The following GNAQ variants were observed in gnomAD, a reference collection of about 807,000 sequenced individuals.
GNAQ encodes the protein guanine nucleotide-binding protein G(q) subunit alpha.
Under a neutral mutation model 43.9 loss-of-function variants are expected in GNAQ, and 8 were observed. The observed-to-expected ratio is 0.18, with a 90% CI of 0.11 to 0.33. GNAQ has a LOEUF of 0.33. Ranked by LOEUF, GNAQ falls within the 10% of genes least tolerant of loss-of-function variation. The pLI, the probability that GNAQ is intolerant of heterozygous loss-of-function variation, is 1.00. For missense variants in GNAQ, 158 were observed against 450.8 expected, an observed-to-expected ratio of 0.35 and a Z score of 5.88; for synonymous variants, 155 against 170.7, an observed-to-expected ratio of 0.91 and a Z score of 0.71.
At chr9:77,733,943 G>C (rs1409928550) in intron 5 of GNAQ, among the ~76,000 whole-genome samples, 1 of 152,358 alleles carries the variant, frequency 6.6e-6, no homozygotes, top group East Asian at 1.9e-4. Flanking sequence ...TGATTAAGGA[G>C]AAGGCTGGAT....
chr9:77,853,582 G>A (rs2117938234), intron 2 of GNAQ, among the ~76,000 whole-genome samples: 1 of 152,048 alleles, frequency 6.6e-6, no homozygotes, highest in Admixed American at 6.5e-5. Context: ...TATATCAGTA[G>A]AGGCTCAGTG....
intron 2 of GNAQ, among the ~76,000 whole-genome samples, chr9:77,832,130 C>T (rs1482917980): frequency 2.0e-5 from 3 of 150,120 alleles, no homozygotes; most frequent in Non-Finnish European, 4.4e-5. Context: ...TTAATGTTCT[C>T]CATACTGTAC....
intron 1 of GNAQ, among the ~76,000 whole-genome samples, chr9:77,923,398 C>T (rs566339664): frequency 2.6e-5 from 4 of 152,074 alleles, no homozygotes; most frequent in South Asian, 2.1e-4. Context: ...ATTACTTTTC[C>T]GTTACCATAA....
chr9:77,722,237 A>G (rs1465029132), intron 6 of GNAQ, among the ~76,000 whole-genome samples: 4 of 151,982 alleles, frequency 2.6e-5, no homozygotes, highest in Admixed American at 1.3e-4. Context: ...CCCAGGTTCA[A>G]GCGATTCTCT....
At chr9:77,938,190 T>C (rs1203701677) in intron 1 of GNAQ, among the ~76,000 whole-genome samples, 1 of 152,212 alleles carries the variant, frequency 6.6e-6, no homozygotes, top group African/African-American at 2.4e-5. Flanking sequence ...TTATACTGTA[T>C]TGTTATTTAG....
chr9:77,854,882 G>A (rs189869354), intron 2 of GNAQ, among the ~76,000 whole-genome samples: 2 of 152,262 alleles, frequency 1.3e-5, no homozygotes, highest in East Asian at 3.9e-4. Flanking sequence ...TCAGGGTTTC[G>A]TGTGGAATGG....
chr9:77,812,840 A>C (rs573969953), intron 3 of GNAQ, among the ~76,000 whole-genome samples: 6 of 152,052 alleles, frequency 3.9e-5, no homozygotes, highest in African/African-American at 1.4e-4. Context: ...AAATGTGATT[A>C]AAAAAGATTT....
intron 2 of GNAQ, among the ~76,000 whole-genome samples, chr9:77,890,000 T>C (rs1214890328): frequency 6.6e-6 from 1 of 152,232 alleles, no homozygotes; most frequent in Non-Finnish European, 1.5e-5. Context: ...AACTACAAGT[T>C]AGTTACTCCT....
intron 1 of GNAQ, among the ~76,000 whole-genome samples, chr9:77,959,258 A>G (rs1823078673): frequency 6.6e-6 from 1 of 152,166 alleles, no homozygotes; most frequent in South Asian, 2.1e-4. Context: ...CTTCATTTAC[A>G]TATCCCAACT....
chr9:77,968,743 A>C (rs1027235344), intron 1 of GNAQ, among the ~76,000 whole-genome samples: 1 of 152,270 alleles, frequency 6.6e-6, no homozygotes, highest in African/African-American at 2.4e-5. Context: ...AAGGCAAGAC[A>C]GTGCCGTTTG....
intron 3 of GNAQ, among the ~76,000 whole-genome samples, chr9:77,814,834 C>T (rs1826986676): frequency 6.6e-6 from 1 of 152,200 alleles, no homozygotes; most frequent in Admixed American, 6.5e-5. Flanking sequence ...CTAATGTACA[C>T]AGAAACCTGG....
intron 1 of GNAQ, among the ~76,000 whole-genome samples, chr9:77,983,228 T>G (rs1172606538): frequency 6.6e-6 from 1 of 152,208 alleles, no homozygotes; most frequent in Non-Finnish European, 1.5e-5. Flanking sequence ...GTGATAACAT[T>G]TACATAGTAT....
chr9:77,871,261 T>A (rs997732792), intron 2 of GNAQ, among the ~76,000 whole-genome samples: 1 of 152,190 alleles, frequency 6.6e-6, no homozygotes, highest in Non-Finnish European at 1.5e-5. Flanking sequence ...TTTCTTAAGG[T>A]ATAGTCCTCT....
chr9:77,999,214 C>T (rs1823614624), intron 1 of GNAQ, among the ~76,000 whole-genome samples: 1 of 150,718 alleles, frequency 6.6e-6, no homozygotes, highest in South Asian at 2.1e-4. Context: ...TTCTAAAATG[C>T]AAACAGAATC....
At chr9:77,751,494 G>A (rs1186757580) in intron 5 of GNAQ, among the ~76,000 whole-genome samples, 1 of 152,168 alleles carries the variant, frequency 6.6e-6, no homozygotes, top group Non-Finnish European at 1.5e-5. Flanking sequence ...ATAGTTGAGT[G>A]TACTTCAGAA....
intron 5 of GNAQ, among the ~76,000 whole-genome samples, chr9:77,756,964 C>T (rs1825913453): frequency 6.6e-6 from 1 of 152,178 alleles, no homozygotes; most frequent in African/African-American, 2.4e-5. Context: ...CTTCTCAAAG[C>T]CTGCTCCATA....
chr9:78,031,015 G>T, intron 1 of GNAQ, 85 bp downstream of exon 1: 2 of 1,025,736 alleles, frequency 1.9e-6, no homozygotes, highest in Non-Finnish European at 2.5e-6. Flanking sequence ...CCGGGGGGCG[G>T]GGGCGCCGAA....
intron 1 of GNAQ, among the ~76,000 whole-genome samples, chr9:77,954,183 T>A (rs895968730): frequency 2.0e-5 from 3 of 152,222 alleles, no homozygotes; most frequent in African/African-American, 7.2e-5. Flanking sequence ...TACACAGCAT[T>A]CAGCTGAGTT....
At chr9:77,805,181 C>A (rs1016401353) in intron 3 of GNAQ, among the ~76,000 whole-genome samples, 2 of 152,144 alleles carry the variant, frequency 1.3e-5, no homozygotes, top group African/African-American at 4.8e-5. Flanking sequence ...TAGTCCCTTC[C>A]TCATCTGGCA....
Sources: allele counts gnomAD v4.1 joint callset (sites outside exome capture counted in the v4.1 genomes callset), GRCh38; gene constraint gnomAD v4.1.1; transcripts MANE v1.5; gene names NCBI Gene and HGNC (gene_info 2026-07-23, HGNC 2026-07-21).